The following POFUT3 variants were observed in gnomAD, a reference collection of about 807,000 sequenced individuals.
POFUT3 encodes GDP-fucose protein O-fucosyltransferase 3.
At chr8:33,344,207 T>A in the POFUT3 span, among the ~76,000 whole-genome samples, 46,467 of 151,936 alleles carry the variant, frequency 0.31, 8,117 homozygotes, top group East Asian at 0.6. Flanking sequence ...TTCTCCTATT[T>A]AAAAAAATGT....
At chr8:33,383,166 C>T in the POFUT3 span, among the ~76,000 whole-genome samples, 1 of 152,098 alleles carries the variant, frequency 6.6e-6, no homozygotes, top group African/African-American at 2.4e-5. Flanking sequence ...GTAACATCAT[C>T]GCATTGCCCT....
the POFUT3 span, among the ~76,000 whole-genome samples, chr8:33,450,502 T>C: frequency 1.3e-5 from 2 of 152,234 alleles, no homozygotes; most frequent in South Asian, 2.1e-4. Flanking sequence ...TAGAACTATA[T>C]GAACAATGGT....
At chr8:33,344,126 A>T in the POFUT3 span, among the ~76,000 whole-genome samples, 1 of 152,236 alleles carries the variant, frequency 6.6e-6, no homozygotes, top group Non-Finnish European at 1.5e-5. Flanking sequence ...GAGTAAAATT[A>T]AAATTTCCAG....
chr8:33,379,791 A>G, the POFUT3 span, among the ~76,000 whole-genome samples: 1 of 143,430 alleles, frequency 7.0e-6, no homozygotes, highest in Admixed American at 7.5e-5. Context: ...GGCTGAGATC[A>G]TACCACTGCA....
the POFUT3 span, among the ~76,000 whole-genome samples, chr8:33,399,798 C>A: frequency 6.6e-6 from 1 of 151,920 alleles, no homozygotes; most frequent in Non-Finnish European, 1.5e-5. Context: ...GGACTACAGA[C>A]GTGCACCACC....
chr8:33,347,328 T>G, the POFUT3 span, among the ~76,000 whole-genome samples: 1 of 152,344 alleles, frequency 6.6e-6, no homozygotes, highest in Admixed American at 6.5e-5. Flanking sequence ...CTGCAAATAC[T>G]GTTTGTAGCT....
the POFUT3 span, chr8:33,371,423 T>A: frequency 6.6e-6 from 1 of 152,180 alleles, no homozygotes; most frequent in Non-Finnish European, 1.5e-5. Context: ...CACTCGTCAA[T>A]TCCCCCTCAT....
At chr8:33,407,441 A>T in the POFUT3 span, among the ~76,000 whole-genome samples, 2 of 152,214 alleles carry the variant, frequency 1.3e-5, no homozygotes, top group African/African-American at 4.8e-5. Context: ...TTTCAAATAC[A>T]TACTTCACAA....
chr8:33,362,170 G>T, the POFUT3 span, among the ~76,000 whole-genome samples: 1 of 152,260 alleles, frequency 6.6e-6, no homozygotes, highest in East Asian at 1.9e-4. Flanking sequence ...GCCAAACTAA[G>T]CTTCATAAGT....
the POFUT3 span, among the ~76,000 whole-genome samples, chr8:33,460,361 A>G: frequency 3.3e-5 from 5 of 152,192 alleles, no homozygotes; most frequent in Non-Finnish European, 7.3e-5. Context: ...GTCTCAAAAA[A>G]TAATAAATAA....
the POFUT3 span, among the ~76,000 whole-genome samples, chr8:33,464,737 GCCACTGCA>G: frequency 6.6e-6 from 1 of 152,116 alleles, no homozygotes; most frequent in African/African-American, 2.4e-5. Flanking sequence ...CCGTGATTGT[GCCACTGCA>G]CTTAGCTTGG....
the POFUT3 span, chr8:33,436,279 TC>T: frequency 1.5e-6 from 2 of 1,353,092 alleles, no homozygotes; most frequent in South Asian, 2.3e-5. Context: ...CCCACACACA[TC>T]CCACTGTGAA....
At chr8:33,315,118 A>G in the POFUT3 span, among the ~76,000 whole-genome samples, 1 of 152,202 alleles carries the variant, frequency 6.6e-6, no homozygotes, top group Non-Finnish European at 1.5e-5. Context: ...CTCTGTGTGT[A>G]AAACCAAGGG....
the POFUT3 span, among the ~76,000 whole-genome samples, chr8:33,362,735 T>C: frequency 1.3e-5 from 2 of 152,074 alleles, no homozygotes; most frequent in Admixed American, 1.3e-4. Context: ...CCTAAATATA[T>C]ATGCACCCCA....
At chr8:33,362,530 G>A in the POFUT3 span, among the ~76,000 whole-genome samples, 2,575 of 152,024 alleles carry the variant, frequency 0.017, 69 homozygotes, top group African/African-American at 0.06. Flanking sequence ...CCCGTCTCAC[G>A]TGCAAAGATG....
chr8:33,422,835 T>A, the POFUT3 span, among the ~76,000 whole-genome samples: 10 of 152,148 alleles, frequency 6.6e-5, no homozygotes, highest in African/African-American at 2.4e-4. Context: ...CCATTTTTTT[T>A]AGACAAGGTG....
chr8:33,360,640 C>T, the POFUT3 span, among the ~76,000 whole-genome samples: 514 of 152,198 alleles, frequency 3.4e-3, 3 homozygotes, highest in African/African-American at 0.011. Context: ...TAACCAATAG[C>T]GCCTCTTCCA....
the POFUT3 span, among the ~76,000 whole-genome samples, chr8:33,384,137 G>T: frequency 6.6e-6 from 1 of 152,110 alleles, no homozygotes; most frequent in East Asian, 1.9e-4. Flanking sequence ...CAAGCAGGTA[G>T]GTATTATGAG....
the POFUT3 span, among the ~76,000 whole-genome samples, chr8:33,447,174 C>A: frequency 8.9e-3 from 1,348 of 152,232 alleles, 18 homozygotes; most frequent in Non-Finnish European, 0.015. Flanking sequence ...CCAGGCCGGG[C>A]GCGGTGGCTC....
Sources: gnomAD v4.1 joint callset for allele counts (sites outside exome capture counted in the v4.1 genomes callset) on GRCh38, gnomAD v4.1.1 for gene constraint, MANE v1.5 for transcripts, NCBI Gene and HGNC (gene_info 2026-07-23, HGNC 2026-07-21) for gene names.